The following WARS2 variants were observed in gnomAD, a reference collection of about 807,000 sequenced individuals.
The protein encoded by WARS2 is tryptophanyl tRNA synthetase 2, mitochondrial, also known as tryptophan--tRNA ligase, mitochondrial.
In WARS2, 28 loss-of-function variants were observed where a neutral mutation model predicts 36.5. That is an observed-to-expected ratio of 0.77 (90% confidence interval 0.57 to 1.05). The LOEUF (loss-of-function observed/expected upper bound fraction) is 1.05. Ranked by LOEUF, WARS2 falls within the 50% of genes least tolerant of loss-of-function variation. The pLI is 0.00. For synonymous variants in WARS2, 174 were observed against 178.4 expected (o/e 0.98, Z 0.20); for missense variants, 435 against 456.8 (o/e 0.95, Z 0.44).
At chr1:119,110,497 ATTCTTATC>A (rs1654551643) in intron 1 of WARS2, among the ~76,000 whole-genome samples, 1 of 151,922 alleles carries the variant, frequency 6.6e-6, no homozygotes, top group African/African-American at 2.4e-5. Context: ...GTCAATTGTA[ATTCTTATC>A]TTTATTCCTC....
chr1:119,078,634 A>C (rs796140918), intron 1 of WARS2, among the ~76,000 whole-genome samples: 3 of 152,318 alleles, frequency 2.0e-5, no homozygotes, highest in African/African-American at 7.2e-5. Context: ...CTATTCTATG[A>C]AGAGCCTATT....
intron 1 of WARS2, among the ~76,000 whole-genome samples, chr1:119,116,961 G>A (rs985600966): frequency 6.6e-6 from 1 of 152,200 alleles, no homozygotes; most frequent in Non-Finnish European, 1.5e-5. Context: ...ACAGCCAAAG[G>A]TTCAGGCAGG....
chr1:119,095,577 C>A (rs61808897), intron 1 of WARS2, among the ~76,000 whole-genome samples: 1 of 151,856 alleles, frequency 6.6e-6, no homozygotes, highest in Non-Finnish European at 1.5e-5. Context: ...GGATTACAGG[C>A]GCCTGCCACC....
chr1:119,079,789 T>C (rs1445080311), intron 1 of WARS2, among the ~76,000 whole-genome samples: 2 of 152,196 alleles, frequency 1.3e-5, no homozygotes, highest in Admixed American at 6.6e-5. Context: ...ATCCAGGAAC[T>C]GAGGAGGAAA....
At chr1:119,132,671 A>T (rs764341037) in intron 1 of WARS2, among the ~76,000 whole-genome samples, 11 of 152,188 alleles carry the variant, frequency 7.2e-5, no homozygotes, top group Non-Finnish European at 1.3e-4. Context: ...TCATATAATA[A>T]AGTTGAACAC....
At chr1:119,072,743 C>T (rs919660319) in intron 2 of WARS2, among the ~76,000 whole-genome samples, 5 of 152,082 alleles carry the variant, frequency 3.3e-5, no homozygotes, top group Middle Eastern at 6.8e-3. Context: ...CATTGTTAGG[C>T]GTCATTACAG....
chr1:119,096,659 T>A (rs943857428), intron 1 of WARS2, among the ~76,000 whole-genome samples: 24 of 152,212 alleles, frequency 1.6e-4, no homozygotes, highest in Admixed American at 1.6e-3. Context: ...TGTACATAAT[T>A]ATTCTCTATA....
chr1:119,125,845 A>C (rs1454091799), intron 1 of WARS2, among the ~76,000 whole-genome samples: 1 of 152,168 alleles, frequency 6.6e-6, no homozygotes, highest in African/African-American at 2.4e-5. Flanking sequence ...CATCCAATAC[A>C]CTAGCATTCA....
Position 119,034,092 on chromosome 1 carries a change from T to A in WARS2, c.634+3A>T. The A allele has an allele frequency of 6.2e-7, 1 of 1,610,528 alleles. No homozygotes were observed. Reference sequence around the variant, plus strand: ...ATGTAACAATTATAAGTTTCTTACTTACTGAGAATGGACTCGGGCACTGGA... The same window carrying A: ...ATGTAACAATTATAAGTTTCTTACTAACTGAGAATGGACTCGGGCACTGGA... On this transcript the variant is annotated splice_donor_region_variant and intron_variant, in intron 5 of 5. Coordinates refer to ENST00000235521, the MANE Select transcript of WARS2 (RefSeq NM_015836.4).
intron 1 of WARS2, among the ~76,000 whole-genome samples, chr1:119,104,620 TG>T (rs1333703942): frequency 2.1e-4 from 27 of 125,858 alleles, no homozygotes; most frequent in Middle Eastern, 3.9e-3. Flanking sequence ...ATTAGTGCCA[TG>T]AAAAAAAAAA....
intron 2 of WARS2, among the ~76,000 whole-genome samples, chr1:119,050,029 C>A (rs1032508318): frequency 6.6e-6 from 1 of 152,154 alleles, no homozygotes; most frequent in Non-Finnish European, 1.5e-5. Context: ...ATTTTTTCAG[C>A]GTAAAAGCCA....
At chr1:119,033,414 T>C (rs755072203) in intron 5 of WARS2, 55 bp from the exon 6 acceptor site, 1 of 1,598,844 alleles carries the variant, frequency 6.3e-7, no homozygotes, top group Non-Finnish European at 8.5e-7. Context: ...AACAAACAGA[T>C]CACCAAGATG....
intron 1 of WARS2, among the ~76,000 whole-genome samples, chr1:119,099,125 G>A (rs587732723): frequency 6.6e-6 from 1 of 152,206 alleles, no homozygotes; most frequent in Non-Finnish European, 1.5e-5. Context: ...TTTTTGACTA[G>A]TTTTGCCCTT....
intron 1 of WARS2, among the ~76,000 whole-genome samples, chr1:119,111,372 G>A (rs1654625008): frequency 6.6e-6 from 1 of 152,124 alleles, no homozygotes; most frequent in Non-Finnish European, 1.5e-5. Context: ...GTGCTTTTCG[G>A]CTTATTTTTT....
At chr1:119,134,319 CAAAAAAAAA>C (rs761321480) in intron 1 of WARS2, among the ~76,000 whole-genome samples, 30 of 65,880 alleles carry the variant, frequency 4.6e-4, no homozygotes, top group Admixed American at 3.9e-3. Context: ...GGCAAAGGGG[CAAAAAAAAA>C]AAAAAAAAAA....
rs148717010 is a variant in WARS2, at chr1:119,062,095, T to C, written c.348+14255A>G. 1.6e-3 allele frequency among the ~76,000 whole-genome samples: 242 copies of C among 152,284 alleles called. 1 individual carries two copies. The highest frequency in any genetic ancestry group is 5.6e-3 in the African/African-American group (232 of 41,548). On this transcript the variant is annotated intron_variant, in intron 2 of 5. Transcript: ENST00000235521. ...CTGAGGCTTCTTTGGTAAGGGAGATTGTACCACCCACTGATGTAGATCTCA... is the reference window on the plus strand; with the variant it reads ...CTGAGGCTTCTTTGGTAAGGGAGATCGTACCACCCACTGATGTAGATCTCA...
chr1:119,044,653 G>A lies in WARS2; in HGVS notation c.429+929C>T, dbSNP rs79570247. Among the ~76,000 whole-genome samples, 24 of 152,276 alleles carry A rather than the reference G, an allele frequency of 1.6e-4. No individual in the cohort carries two copies. In the East Asian group the frequency reaches 3.7e-3, roughly 23 times the overall value. On this transcript the variant is annotated intron_variant, in intron 3 of 5. Transcript: ENST00000235521. Reference sequence around the variant, plus strand: ...TAAGGCAAAGTCAGTGTCTGGTGAGGAACCTTGTTCATGGATAGTGACTTC... The same window carrying A: ...TAAGGCAAAGTCAGTGTCTGGTGAGAAACCTTGTTCATGGATAGTGACTTC...
intron 2 of WARS2, among the ~76,000 whole-genome samples, chr1:119,060,878 A>G (rs1310679785): frequency 6.6e-6 from 1 of 152,196 alleles, no homozygotes; most frequent in Non-Finnish European, 1.5e-5. Context: ...TTTCTAAATA[A>G]AGAGTCAGAG....
chr1:119,085,073 T>C (rs587716752), intron 1 of WARS2: 9 of 741,836 alleles, frequency 1.2e-5, no homozygotes, highest in South Asian at 9.9e-5. Context: ...GCCTATGGGA[T>C]TTATCTCAGC....
Sources: gnomAD v4.1 joint callset for allele counts (sites outside exome capture counted in the v4.1 genomes callset) on GRCh38, gnomAD v4.1.1 for gene constraint, MANE v1.5 for transcripts, NCBI Gene and HGNC (gene_info 2026-07-23, HGNC 2026-07-21) for gene names.